The following FAM20C variants were observed in gnomAD, a reference collection of about 807,000 sequenced individuals.
The protein encoded by FAM20C is FAM20C golgi associated secretory pathway kinase.
Under a neutral mutation model 51.5 loss-of-function variants are expected in FAM20C, and 40 were observed. The ratio of observed to expected loss-of-function variants is 0.78; its 90% CI spans 0.60 to 1.01. FAM20C has a LOEUF of 1.01. Among genes scored for constraint, FAM20C ranks in the 50% least tolerant of loss-of-function variants. The probability of loss-of-function intolerance (pLI) is 0.00; values close to 1 mark genes in which losing one functional copy is unlikely to be tolerated. For missense variants in FAM20C, 861 were observed against 844.7 expected (o/e 1.02, Z -0.24); for synonymous variants, 406 against 380.6 (o/e 1.07, Z -0.78).
intron 3 of FAM20C, among the ~76,000 whole-genome samples, chr7:210,591 G>A (rs1347029721): frequency 6.6e-6 from 1 of 151,980 alleles, no homozygotes; most frequent in East Asian, 1.9e-4. Context: ...GCAGACTCCC[G>A]CCTCCCACCT....
intron 3 of FAM20C, among the ~76,000 whole-genome samples, chr7:236,522 A>C (rs1787851980): frequency 1.3e-5 from 2 of 151,992 alleles, no homozygotes; most frequent in African/African-American, 4.8e-5. Flanking sequence ...CCTCGCCCTC[A>C]CCTGGGGACC....
At chr7:197,959 C>A (rs948414722) in intron 2 of FAM20C, among the ~76,000 whole-genome samples, 8 of 152,230 alleles carry the variant, frequency 5.3e-5, no homozygotes, top group Non-Finnish European at 1.2e-4. Context: ...GGCTGCCTGA[C>A]ATTGCAGGGG....
chr7:242,123 G>A lies in FAM20C; in HGVS notation c.864-4292G>A, dbSNP rs1047349569. On this transcript the variant is annotated intron_variant, in intron 3 of 9. Transcript: ENST00000313766. ...CTGCGGGGACATCCCATTGTACTTC[G>A]CCTGCTACTGAGACGTCCACATCAC... Among the ~76,000 whole-genome samples the A allele has an allele frequency of 4.0e-3, 615 of 152,220 alleles. 7 individuals carry two copies. Among genetic ancestry groups the A allele is most frequent in the African/African-American group, 0.014 (564 of 41,528 alleles).
intron 5 of FAM20C, among the ~76,000 whole-genome samples, chr7:250,206 T>C (rs971282296): frequency 6.6e-6 from 1 of 152,206 alleles, no homozygotes; most frequent in Non-Finnish European, 1.5e-5. Flanking sequence ...GTACGGACTC[T>C]GCGCTTTCTC....
At chr7:227,007 T>C (rs912599830) in intron 3 of FAM20C, among the ~76,000 whole-genome samples, 1 of 152,042 alleles carries the variant, frequency 6.6e-6, no homozygotes, top group Non-Finnish European at 1.5e-5. Flanking sequence ...CCTCGGCTGT[T>C]CCGATTAGGC....
At chr7:228,576 G>A (rs1311844527) in intron 3 of FAM20C, 1 of 456,134 alleles carries the variant, frequency 2.2e-6, no homozygotes, top group African/African-American at 2.0e-5. Context: ...TACACCCCCA[G>A]CTCTCCTCTG....
chr7:222,881 T>G (rs889112301), intron 3 of FAM20C, among the ~76,000 whole-genome samples: 1 of 33,678 alleles, frequency 3.0e-5, no homozygotes, highest in Admixed American at 1.6e-4. Context: ...TGTGCGTGTG[T>G]GACGTGTACA....
At chr7:207,506 T>C (rs1786480408) in intron 2 of FAM20C, among the ~76,000 whole-genome samples, 1 of 151,998 alleles carries the variant, frequency 6.6e-6, no homozygotes, top group South Asian at 2.1e-4. Flanking sequence ...GCTCAAATGT[T>C]AGCTCCCTAG....
At chr7:207,315 C>T (rs1168325477) in intron 2 of FAM20C, among the ~76,000 whole-genome samples, 2 of 112,888 alleles carry the variant, frequency 1.8e-5, no homozygotes, top group Non-Finnish European at 3.6e-5. Flanking sequence ...CACTGTGACG[C>T]GTCGGTCACT....
At position 204,807 on chromosome 7, in the gene FAM20C, G is replaced by A. The variant is rs1431428904; in HGVS notation, c.785-4091G>A. Among the ~76,000 whole-genome samples the A allele has an allele frequency of 4.6e-5, 7 of 152,180 alleles. No individual in the cohort carries two copies. In the South Asian group the frequency reaches 1.2e-3, roughly 27 times the overall value. ...GGAATGTGGCACTCGTGTGGCCTTCGCTGTGCTGTGTCCCCACACTGCCGC... is the reference window on the plus strand; with the variant it reads ...GGAATGTGGCACTCGTGTGGCCTTCACTGTGCTGTGTCCCCACACTGCCGC... On this transcript the variant is annotated intron_variant, in intron 2 of 9. Coordinates refer to ENST00000313766, the MANE Select transcript of FAM20C (RefSeq NM_020223.4).
chr7:213,784 C>T (rs778157438), intron 3 of FAM20C, among the ~76,000 whole-genome samples: 8 of 152,218 alleles, frequency 5.3e-5, no homozygotes, highest in Middle Eastern at 3.4e-3. Flanking sequence ...CCTGCGAGCT[C>T]GTTCCCGGGT....
chr7:225,886 C>A (rs56365244), intron 3 of FAM20C, among the ~76,000 whole-genome samples: 2 of 22,462 alleles, frequency 8.9e-5, no homozygotes, highest in East Asian at 1.5e-3. Flanking sequence ...TCCCCTGAGT[C>A]TTCTCTCACT....
At chr7:229,803 T>A (rs547100368) in intron 3 of FAM20C, among the ~76,000 whole-genome samples, 7 of 152,130 alleles carry the variant, frequency 4.6e-5, no homozygotes, top group African/African-American at 9.7e-5. Flanking sequence ...GGTTTTCTGC[T>A]GTGTGAGTGA....
chr7:235,008 A>G, intron 3 of FAM20C, among the ~76,000 whole-genome samples: 1 of 152,110 alleles, frequency 6.6e-6, no homozygotes, highest in East Asian at 1.9e-4. Context: ...CATGCCAGGA[A>G]TGGGCCCCGG....
rs766106805 is a variant in FAM20C at position 208,908 on chromosome 7, G to T, written c.795G>T (p.Ser265=). 13 of 1,575,630 alleles carry T rather than the reference G, an allele frequency of 8.3e-6. No homozygotes were observed. The South Asian group carries it at 1.5e-4, about 18-fold the overall frequency. ...SQRITSVAMK[S]GGTQLKLIMT... ...CCCTCCTTCCTGCAGCCATGAAGTC[G>T]GGGGGCACGCAGCTGAAGCTCATCA... is the stretch of plus-strand genomic sequence containing the variant. The change falls in exon 3 of 10, where the codon TCG becomes TCT. Residue 265 remains serine (S), a synonymous_variant. Coordinates refer to ENST00000313766, the MANE Select transcript of FAM20C (RefSeq NM_020223.4).
At chr7:257,356 G>C in intron 8 of FAM20C, 1 of 500,056 alleles carries the variant, frequency 2.0e-6, no homozygotes, top group South Asian at 2.3e-5. Context: ...ACGGAGGCCA[G>C]GAGAGGCTGC....
chr7:217,385 AG>A (rs1353373344), intron 3 of FAM20C, among the ~76,000 whole-genome samples: 115 of 5,372 alleles, frequency 0.021, no homozygotes, highest in African/African-American at 0.057. Context: ...GCTGTGGGTG[AG>A]CTCCAGCCCC....
chr7:199,927 A>T (rs1016471597), intron 2 of FAM20C, among the ~76,000 whole-genome samples: 1 of 152,224 alleles, frequency 6.6e-6, no homozygotes, highest in Non-Finnish European at 1.5e-5. Context: ...TAATTGCTCC[A>T]TCCAGATTGG....
rs1290493248 is a variant in FAM20C, at chr7:212,382, GA to G, written c.863+3408del. Among the ~76,000 whole-genome samples the G allele has an allele frequency of 2.6e-5, 4 of 152,312 alleles. No individual in the cohort carries two copies. In the East Asian group the frequency reaches 7.7e-4, roughly 29 times the overall value. On this transcript the variant is annotated intron_variant, in intron 3 of 9. Coordinates refer to ENST00000313766, the MANE Select transcript of FAM20C (RefSeq NM_020223.4). ...GGAGGCTGAAGCAGGAGATTCGCTTGAACCTGGGAGGTGGAGGTTACAGTGA... is the reference window on the plus strand; with the variant it reads ...GGAGGCTGAAGCAGGAGATTCGCTTGACCTGGGAGGTGGAGGTTACAGTGA...
Sources: gnomAD v4.1 joint callset for allele counts (sites outside exome capture counted in the v4.1 genomes callset) on GRCh38, gnomAD v4.1.1 for gene constraint, MANE v1.5 for transcripts, NCBI Gene and HGNC (gene_info 2026-07-23, HGNC 2026-07-21) for gene names.